BIRC6: variants seen among roughly 807,000 people sequenced by gnomAD.
BIRC6 encodes the protein baculoviral IAP repeat containing 6, also known as dual E2 ubiquitin-conjugating enzyme/E3 ubiquitin-protein ligase BIRC6.
BIRC6 carries 98 observed loss-of-function variants against 503.3 expected under a neutral mutation model. That is an observed-to-expected ratio of 0.19 (90% confidence interval 0.17 to 0.23). The LOEUF is 0.23. Among genes scored for constraint, BIRC6 ranks in the 10% least tolerant of loss-of-function variants. BIRC6 has a pLI of 1.00. For synonymous variants in BIRC6, 2,240 were observed against 2,078.7 expected (o/e 1.08, Z -2.11); for missense variants, 5,360 against 5,806.0 (o/e 0.92, Z 2.50).
chr2:32,591,513 G>T (rs1324041560), intron 66 of BIRC6, among the ~76,000 whole-genome samples: 4 of 152,114 alleles, frequency 2.6e-5, no homozygotes, highest in Non-Finnish European at 5.9e-5. Flanking sequence ...CTACACACTG[G>T]GGTGGTAAAT....
At position 32,593,909 on chromosome 2, in the gene BIRC6, A is replaced by T. The variant is rs1415416788; in HGVS notation, c.13356-6A>T. 1.9e-6 allele frequency: 3 copies of T among 1,603,374 alleles called. No homozygotes were observed. The highest frequency in any genetic ancestry group is 1.1e-5 in the South Asian group (1 of 88,060). ...TTGCTTTTCTTTCCATATTAAAAAA[A>T]TTCAGATCTAAAAGGGAAAATGTTA... On this transcript the variant is annotated splice_polypyrimidine_tract_variant and splice_region_variant and intron_variant, in intron 66 of 73. Transcript: ENST00000421745.
At chr2:32,553,614 T>C (rs1056155146) in intron 65 of BIRC6, among the ~76,000 whole-genome samples, 2 of 151,964 alleles carry the variant, frequency 1.3e-5, no homozygotes, top group Non-Finnish European at 2.9e-5. Context: ...GGTCTCGAAC[T>C]CCTGACCTCA....
At chr2:32,368,664 C>T (rs1198892105) in intron 1 of BIRC6, among the ~76,000 whole-genome samples, 2 of 152,062 alleles carry the variant, frequency 1.3e-5, no homozygotes, top group South Asian at 2.1e-4. Flanking sequence ...GCCCCTGTCC[C>T]CTTTTGAAAC....
At chr2:32,487,312 A>G (rs1244967125) in intron 40 of BIRC6, among the ~76,000 whole-genome samples, 1 of 152,186 alleles carries the variant, frequency 6.6e-6, no homozygotes, top group South Asian at 2.1e-4. Flanking sequence ...TACCTTATCA[A>G]TAATTAGTCA....
rs1020435391 is a variant in BIRC6 at position 32,409,333 on chromosome 2, T to G, written c.1477+2776T>G. 3.9e-5 allele frequency among the ~76,000 whole-genome samples: 6 copies of G among 152,156 alleles called. No individual in the cohort carries two copies. In the East Asian group the frequency reaches 1.2e-3, roughly 29 times the overall value. On this transcript the variant is annotated intron_variant, in intron 9 of 73. Coordinates refer to ENST00000421745, the MANE Select transcript of BIRC6 (RefSeq NM_016252.4). ...CACCACCACACCTAATTTTTGTATT[T>G]TTTGTAGAGATAGGGCTTCACCATG...
chr2:32,570,800 A>G (rs1205986405), intron 65 of BIRC6, among the ~76,000 whole-genome samples: 1 of 151,552 alleles, frequency 6.6e-6, no homozygotes, highest in South Asian at 2.1e-4. Context: ...CGCTCGGCCT[A>G]TTTGTTTATT....
intron 65 of BIRC6, chr2:32,558,829 T>C (rs2058961523): frequency 6.6e-6 from 1 of 152,230 alleles, no homozygotes; most frequent in South Asian, 2.1e-4. Context: ...CTGTTAGTAA[T>C]CTGTGGTAAA....
intron 10 of BIRC6, among the ~76,000 whole-genome samples, chr2:32,419,303 G>T (rs1574073837): frequency 6.6e-6 from 1 of 152,068 alleles, no homozygotes; most frequent in East Asian, 1.9e-4. Context: ...GGAGAATCAA[G>T]TCTTTTCATA....
chr2:32,461,796 C>G (rs923623887), intron 23 of BIRC6, among the ~76,000 whole-genome samples: 1 of 152,156 alleles, frequency 6.6e-6, no homozygotes, highest in South Asian at 2.1e-4. Context: ...CTTCCCTCAG[C>G]TTTAGTTTCA....
chr2:32,501,487 G>C lies in BIRC6; in HGVS notation c.9032-226G>C, dbSNP rs372086472. ...ATTCGGGTTATGTGTAGAGGGTTTA[G>C]ACAGCTATTATATATTCATTCTTCA... On this transcript the variant is annotated intron_variant, in intron 46 of 73. Transcript: ENST00000421745. 2.5e-3 allele frequency among the ~76,000 whole-genome samples: 383 copies of C among 152,236 alleles called. 1 individual carries two copies. Among genetic ancestry groups the C allele is most frequent in the African/African-American group, 9.0e-3 (375 of 41,532 alleles).
At chr2:32,501,259 TAAAAA>T in intron 46 of BIRC6, among the ~76,000 whole-genome samples, 1 of 152,350 alleles carries the variant, frequency 6.6e-6, no homozygotes. Flanking sequence ...TTGATTAGAT[TAAAAA>T]GAATAGTTAC....
chr2:32,374,735 G>GT (rs2036495570), intron 1 of BIRC6, among the ~76,000 whole-genome samples: 1 of 151,906 alleles, frequency 6.6e-6, no homozygotes, highest in African/African-American at 2.4e-5. Flanking sequence ...GCCTCCCAAA[G>GT]TGCTGGGATT....
rs528590452 is a variant in BIRC6 at position 32,574,111 on chromosome 2, A to G, written c.13145-1045A>G. On this transcript the variant is annotated intron_variant, in intron 65 of 73. Transcript: ENST00000421745. ...AAGTTGACCCTTGAATAATGCAGGTATTAAGGGTACCAACCCCCACATATT... is the reference window on the plus strand; with the variant it reads ...AAGTTGACCCTTGAATAATGCAGGTGTTAAGGGTACCAACCCCCACATATT... Among the ~76,000 whole-genome samples the G allele has an allele frequency of 3.2e-3, 481 of 151,116 alleles. 3 individuals carry two copies. Among genetic ancestry groups the G allele is most frequent in the Non-Finnish European group, 5.0e-3 (340 of 67,854 alleles).
chr2:32,486,631 C>T (rs1240348382), intron 40 of BIRC6, among the ~76,000 whole-genome samples: 5 of 152,088 alleles, frequency 3.3e-5, no homozygotes, highest in African/African-American at 9.7e-5. Flanking sequence ...TAGGTAGAAC[C>T]GAATAAAATT....
chr2:32,410,739 C>T (rs1158737483), intron 9 of BIRC6, among the ~76,000 whole-genome samples: 2 of 150,404 alleles, frequency 1.3e-5, no homozygotes, highest in African/African-American at 2.5e-5. Context: ...CTCGCTCTGT[C>T]GCCCAGGCTG....
chr2:32,499,782 C>T lies in BIRC6; in HGVS notation c.8704C>T (p.Arg2902Cys), dbSNP rs745413429. ...CFGGLFANLI[R>C]PGDAKAVCGE... The stretch of plus-strand genomic sequence containing the variant: ...TGGGGGACTCTTTGCCAATCTTATT[C>T]GTCCGGGTGATGCAAAAGCAGTTTG... The change falls in exon 46 of 74, where the codon CGT becomes TGT. Residue 2902 changes from arginine (R) to cysteine (C), a missense_variant. Transcript: ENST00000421745. The T allele has an allele frequency of 1.9e-5, 31 of 1,613,830 alleles. No homozygotes were observed. The highest frequency in any genetic ancestry group is 2.7e-5 in the African/African-American group (2 of 74,934).
rs766401012 is a variant in BIRC6, at chr2:32,467,940, G to A, written c.5609G>A (p.Arg1870Lys). 2 of 1,613,596 alleles carry A rather than the reference G, an allele frequency of 1.2e-6. No individual in the cohort carries two copies. The highest frequency in any genetic ancestry group is 1.7e-5 in the Admixed American group (1 of 59,992). The change falls in exon 28 of 74, where the codon AGA (arginine) becomes AAA (lysine). Residue 1870 changes from arginine (R) to lysine (K), a missense_variant. Around this residue, in one of 16 missense-constraint regions of BIRC6, gnomAD observed 2,299 missense variants for 2,267.2 expected, o/e 1.01. Transcript: ENST00000421745. The part of the protein sequence containing the change: ...VIGRYGSTNA[R>K]AKIPLGFYYG... ...GGACGTTACGGGAGTACAAATGCCA[G>A]AGCCAAAATCCCATTAGGATTTTAC...
chr2:32,507,912 G>A (rs2053971354), intron 50 of BIRC6, 68 bp from the exon 51 acceptor site: 1 of 1,412,822 alleles, frequency 7.1e-7, no homozygotes, highest in Non-Finnish European at 9.4e-7. Context: ...ATTTTACTGG[G>A]ATTTTAATAA....
intron 57 of BIRC6, chr2:32,523,136 T>G (rs1344702501): frequency 6.6e-6 from 1 of 152,022 alleles, no homozygotes; most frequent in Non-Finnish European, 1.5e-5. Flanking sequence ...ACCTGATCCT[T>G]ATAATTCCAG....
Sources: gnomAD v4.1 joint callset for allele counts (sites outside exome capture counted in the v4.1 genomes callset) on GRCh38, gnomAD v4.1.1 for gene constraint, gnomAD v4.1.1 regional missense constraint, MANE v1.5 for transcripts, NCBI Gene and HGNC (gene_info 2026-07-23, HGNC 2026-07-21) for gene names.